The following RBFOX2 variants were observed in gnomAD, a reference collection of about 807,000 sequenced individuals.
RBFOX2 encodes the protein RNA binding protein fox-1 homolog 2.
A neutral mutation model predicts 49.1 loss-of-function variants in RBFOX2; 10 were observed. That is an observed-to-expected ratio of 0.20 (90% CI 0.13 to 0.35). The LOEUF (loss-of-function observed/expected upper bound fraction) is 0.35, where lower values mean the gene tolerates loss of function less well. Ranked by LOEUF, RBFOX2 falls within the 10% of genes least tolerant of loss-of-function variation. The pLI is 1.00. For missense variants in RBFOX2, 323 were observed against 486.9 expected (o/e 0.66, Z 3.17); for synonymous variants, 183 against 187.4 (o/e 0.98, Z 0.19).
At chr22:35,905,890 C>T (rs2094418341) in intron 1 of RBFOX2, among the ~76,000 whole-genome samples, 1 of 152,036 alleles carries the variant, frequency 6.6e-6, no homozygotes, top group Admixed American at 6.6e-5. Context: ...GTGCCTTGTC[C>T]ATGCTTAGAT....
intron 1 of RBFOX2, among the ~76,000 whole-genome samples, chr22:36,020,932 A>T (rs2059221776): frequency 6.6e-6 from 1 of 152,168 alleles, no homozygotes; most frequent in Non-Finnish European, 1.5e-5. Context: ...TGCTGCTATA[A>T]AGACACATGC....
chr22:35,911,381 T>C (rs1412447843), intron 1 of RBFOX2, among the ~76,000 whole-genome samples: 2 of 152,210 alleles, frequency 1.3e-5, no homozygotes, highest in African/African-American at 2.4e-5. Context: ...TCATCAGGAA[T>C]ACTGCTACAC....
chr22:35,806,969 A>G (rs1950868738), intron 2 of RBFOX2, among the ~76,000 whole-genome samples: 1 of 151,918 alleles, frequency 6.6e-6, no homozygotes, highest in African/African-American at 2.4e-5. Flanking sequence ...ACGCCCGGCT[A>G]ATTTTTGTAT....
At chr22:36,018,465 T>C (rs543485292) in intron 1 of RBFOX2, among the ~76,000 whole-genome samples, 9 of 152,274 alleles carry the variant, frequency 5.9e-5, no homozygotes, top group African/African-American at 2.2e-4. Flanking sequence ...CTAAGAAAAC[T>C]ATAAGCCACT....
chr22:35,786,295 C>G (rs1042026623), intron 2 of RBFOX2, among the ~76,000 whole-genome samples: 7 of 152,156 alleles, frequency 4.6e-5, no homozygotes, highest in African/African-American at 1.7e-4. Context: ...AGTGAACACC[C>G]GTCCCCCTTG....
At chr22:35,956,511 G>A (rs1227046597) in intron 1 of RBFOX2, among the ~76,000 whole-genome samples, 1 of 152,012 alleles carries the variant, frequency 6.6e-6, no homozygotes, top group East Asian at 1.9e-4. Context: ...ACAGGCACAT[G>A]CCAGCACACC....
intron 2 of RBFOX2, among the ~76,000 whole-genome samples, chr22:35,807,892 CAG>C (rs1212030220): frequency 6.6e-6 from 1 of 151,666 alleles, no homozygotes; most frequent in Non-Finnish European, 1.5e-5. Context: ...AGAATATAAA[CAG>C]GGATATCACC....
chr22:35,826,358 A>AT (rs1955729333), intron 1 of RBFOX2, among the ~76,000 whole-genome samples: 2 of 151,606 alleles, frequency 1.3e-5, no homozygotes, highest in African/African-American at 4.8e-5. Flanking sequence ...AAAAAAAAAA[A>AT]AAAAATAGAG....
At chr22:35,795,417 C>T (rs372769096) in intron 2 of RBFOX2, among the ~76,000 whole-genome samples, 1 of 151,992 alleles carries the variant, frequency 6.6e-6, no homozygotes, top group Non-Finnish European at 1.5e-5. Flanking sequence ...CTGTGGCCCC[C>T]CTTCTTCCCA....
chr22:35,943,495 C>T (rs1000100367), upstream of RBFOX2, among the ~76,000 whole-genome samples: 6 of 152,132 alleles, frequency 3.9e-5, no homozygotes, highest in African/African-American at 1.2e-4. Context: ...AAATACCAAC[C>T]GTAAGAATCT....
intron 1 of RBFOX2, among the ~76,000 whole-genome samples, chr22:35,820,229 T>C (rs564981519): frequency 4.3e-4 from 65 of 152,310 alleles, no homozygotes; most frequent in Admixed American, 6.5e-4. Flanking sequence ...AGGTTTTAAA[T>C]GTACCACTCG....
At chr22:35,986,945 G>A (rs945269208) in intron 1 of RBFOX2, among the ~76,000 whole-genome samples, 1 of 149,612 alleles carries the variant, frequency 6.7e-6, no homozygotes, top group Non-Finnish European at 1.5e-5. Context: ...ATAGAGTTTT[G>A]TATAAAGATC....
intron 1 of RBFOX2, among the ~76,000 whole-genome samples, chr22:35,816,895 T>C (rs1953197828): frequency 6.6e-6 from 1 of 152,200 alleles, no homozygotes; most frequent in Non-Finnish European, 1.5e-5. Flanking sequence ...ATCTTTTACC[T>C]TGTTCTTTGA....
intron 1 of RBFOX2, among the ~76,000 whole-genome samples, chr22:36,001,165 T>C (rs1037500756): frequency 6.7e-6 from 1 of 149,590 alleles, no homozygotes; most frequent in African/African-American, 2.5e-5. Flanking sequence ...TTCAAATGTT[T>C]TTCTCTGGCC....
At chr22:35,812,277 A>G (rs984007371) in intron 1 of RBFOX2, among the ~76,000 whole-genome samples, 3 of 152,012 alleles carry the variant, frequency 2.0e-5, no homozygotes, top group African/African-American at 7.2e-5. Context: ...AAAGATAGAA[A>G]AAAAAAAAAA....
chr22:35,842,273 G>T (rs1436544603), upstream of RBFOX2, among the ~76,000 whole-genome samples: 1 of 152,098 alleles, frequency 6.6e-6, no homozygotes, highest in Non-Finnish European at 1.5e-5. Flanking sequence ...ATAATCCATA[G>T]TAATAATTTT....
chr22:35,889,556 A>G (rs1013359289), intron 1 of RBFOX2, among the ~76,000 whole-genome samples: 1 of 152,078 alleles, frequency 6.6e-6, no homozygotes, highest in African/African-American at 2.4e-5. Context: ...TTACACAACA[A>G]TCACCTAACT....
At chr22:35,965,321 A>G (rs2056493617), upstream of RBFOX2, among the ~76,000 whole-genome samples, 1 of 152,220 alleles carries the variant, frequency 6.6e-6, no homozygotes, top group Admixed American at 6.5e-5. Context: ...AGGCAAGGCA[A>G]CATCTTTTAG....
intron 1 of RBFOX2, among the ~76,000 whole-genome samples, chr22:36,014,723 G>A (rs2058967430): frequency 6.6e-6 from 1 of 152,064 alleles, no homozygotes; most frequent in Non-Finnish European, 1.5e-5. Context: ...ACCACTCCTA[G>A]AGAAAGAAAC....
Sources: allele counts gnomAD v4.1 joint callset (sites outside exome capture counted in the v4.1 genomes callset), GRCh38; gene constraint gnomAD v4.1.1; transcripts MANE v1.5; gene names NCBI Gene and HGNC (gene_info 2026-07-23, HGNC 2026-07-21).